PCDHGA1: variants seen among roughly 807,000 people sequenced by gnomAD.
PCDHGA1 encodes the protein protocadherin gamma-A1.
A neutral mutation model predicts 58.0 loss-of-function variants in PCDHGA1; 32 were observed. The ratio of observed to expected loss-of-function variants is 0.55; its 90% CI spans 0.42 to 0.74. The LOEUF (loss-of-function observed/expected upper bound fraction) is 0.74, where lower values mean the gene tolerates loss of function less well. Among genes scored for constraint, PCDHGA1 ranks in the 30% least tolerant of loss-of-function variants. PCDHGA1 has a pLI of 0.00. For synonymous variants in PCDHGA1, 498 were observed against 501.1 expected (o/e 0.99, Z 0.08); for missense variants, 1,205 against 1,182.3 (o/e 1.02, Z -0.28).
chr5:141,508,928 G>A (rs1475005703), intron 3 of PCDHGA1, among the ~76,000 whole-genome samples: 1 of 152,076 alleles, frequency 6.6e-6, no homozygotes, highest in East Asian at 1.9e-4. Flanking sequence ...TCCTTTTGGA[G>A]TTAATTAGGG....
chr5:141,340,101 G>C, intron 1 of PCDHGA1: 1 of 1,614,004 alleles, frequency 6.2e-7, no homozygotes, highest in East Asian at 2.2e-5. Context: ...AGAGACTCTG[G>C]GCAGAACGCA....
intron 1 of PCDHGA1, chr5:141,421,422 C>A (rs908483513): frequency 6.2e-7 from 1 of 1,614,086 alleles, no homozygotes; most frequent in South Asian, 1.1e-5. Flanking sequence ...AGCGCGGAGT[C>A]CGCATCGTCT....
rs768383792 is a variant in PCDHGA1 at position 141,476,155 on chromosome 5, C to A, written c.2422-18652C>A. 1.2e-6 allele frequency: 2 copies of A among 1,612,382 alleles called. No homozygotes were observed. Among genetic ancestry groups the A allele is most frequent in the Non-Finnish European group, 1.7e-6 (2 of 1,179,764 alleles). On this transcript the variant is annotated intron_variant, in intron 1 of 3. Coordinates refer to ENST00000517417, the MANE Select transcript of PCDHGA1 (RefSeq NM_018912.3). This position sits in a 1 kb window ranked among gnomAD's most constrained non-coding sequence, Gnocchi z 7.6. ...CCTGGAGGAGCGGACTGGTAAGCAC[C>A]GGGAGGGTAGTGGGAGTTTTGCTTC... is the stretch of plus-strand genomic sequence containing the variant.
At chr5:141,348,460 G>C (rs953284866) in intron 1 of PCDHGA1, among the ~76,000 whole-genome samples, 1 of 152,264 alleles carries the variant, frequency 6.6e-6, no homozygotes, top group Non-Finnish European at 1.5e-5. Context: ...AATGTTTATA[G>C]TATTAGTATC....
Position 141,332,638 on chromosome 5 carries a change from C to A in PCDHGA1, c.1954C>A (p.Pro652Thr). ...GGTGGCCGTCCAGGACCACGGCCAG[C>A]CCCCGCTCTCCGCCACTGTCACGCT... ...LVVAVQDHGQ[P>T]PLSATVTLTV... Residue 652 changes from proline (P) to threonine (T), a missense_variant, in exon 1 of 4, where the codon CCC becomes ACC. By Grantham distance (38) the Pro-to-Thr change is conservative. Coordinates refer to ENST00000517417, the MANE Select transcript of PCDHGA1 (RefSeq NM_018912.3). This position sits in a 1 kb window ranked among gnomAD's most constrained non-coding sequence, Gnocchi z 4.6. The A allele has an allele frequency of 1.9e-6, 3 of 1,612,910 alleles. No individual in the cohort carries two copies. Among genetic ancestry groups the A allele is most frequent in the South Asian group, 1.1e-5 (1 of 91,034 alleles).
At position 141,431,098 on chromosome 5, in the gene PCDHGA1, A is replaced by G; in HGVS notation, c.2422-63709A>G. The G allele has an allele frequency of 6.2e-7, 1 of 1,614,260 alleles. No homozygotes were observed. The highest frequency in any genetic ancestry group is 8.5e-7 in the Non-Finnish European group (1 of 1,180,040). On this transcript the variant is annotated intron_variant, in intron 1 of 3. Transcript: ENST00000517417. This position sits in a 1 kb window ranked among gnomAD's most constrained non-coding sequence, Gnocchi z 4.8. ...ATCTAGACATTCTGATGGAGGATAA[A>G]GTGAAAATATATGGAGTAGAAGTAG...
chr5:141,494,236 T>C (rs1384800217), intron 1 of PCDHGA1, among the ~76,000 whole-genome samples: 7 of 152,128 alleles, frequency 4.6e-5, no homozygotes, highest in Non-Finnish European at 1.0e-4. Flanking sequence ...AAATTAATAA[T>C]GTATTTAGCT....
At chr5:141,461,738 C>A (rs2099021378) in intron 1 of PCDHGA1, among the ~76,000 whole-genome samples, 1 of 150,904 alleles carries the variant, frequency 6.6e-6, no homozygotes. Flanking sequence ...TGGCACAATC[C>A]CGGCTCCCAG....
Position 141,430,120 on chromosome 5 carries a change from G to A in PCDHGA1, c.2422-64687G>A, listed in dbSNP as rs73280905. Among the ~76,000 whole-genome samples, 1,257 of 152,134 alleles carry A rather than the reference G, an allele frequency of 8.3e-3. 17 individuals are homozygous for A. Among genetic ancestry groups the A allele is most frequent in the African/African-American group, 0.029 (1,193 of 41,506 alleles). Reference sequence around the variant, plus strand: ...TTAAGCGTTACATGTCAACAACCTGGTAAAGTAATCCTTCCATTCAGGATC... The same window carrying A: ...TTAAGCGTTACATGTCAACAACCTGATAAAGTAATCCTTCCATTCAGGATC... On this transcript the variant is annotated intron_variant, in intron 1 of 3. Coordinates refer to ENST00000517417, the MANE Select transcript of PCDHGA1 (RefSeq NM_018912.3).
Position 141,490,252 on chromosome 5 carries a change from G to A in PCDHGA1, c.2422-4555G>A, listed in dbSNP as rs150107963. The A allele has an allele frequency of 1.9e-6, 3 of 1,614,252 alleles. No homozygotes were observed. Among genetic ancestry groups the A allele is most frequent in the Non-Finnish European group, 1.7e-6 (2 of 1,180,046 alleles). The stretch of plus-strand genomic sequence containing the variant: ...CATGGAGGGCCACTGTGTGATTCAA[G>A]TGGATGTGGGGGATGTCAATGACAA... On this transcript the variant is annotated intron_variant, in intron 1 of 3. Coordinates refer to ENST00000517417, the MANE Select transcript of PCDHGA1 (RefSeq NM_018912.3). This position sits in a 1 kb window ranked among gnomAD's most constrained non-coding sequence, Gnocchi z 5.4.
intron 1 of PCDHGA1, among the ~76,000 whole-genome samples, chr5:141,454,209 T>A (rs2098783885): frequency 6.6e-6 from 1 of 152,088 alleles, no homozygotes; most frequent in South Asian, 2.1e-4. Flanking sequence ...TTTATTGACA[T>A]GAATGAGAAA....
At chr5:141,499,244 CAA>C (rs1191956146) in intron 2 of PCDHGA1, among the ~76,000 whole-genome samples, 1 of 152,090 alleles carries the variant, frequency 6.6e-6, no homozygotes, top group Non-Finnish European at 1.5e-5. Flanking sequence ...AGCCTCTGCA[CAA>C]AGAGTCTCCA....
intron 1 of PCDHGA1, chr5:141,346,673 A>C (rs1245560400): frequency 2.9e-6 from 2 of 696,314 alleles, no homozygotes; most frequent in African/African-American, 3.6e-5. Flanking sequence ...ATACATCGTG[A>C]GTGAAAGTAA....
chr5:141,510,814 C>CA, intron 3 of PCDHGA1, 133 bp from the exon 4 acceptor site: 1 of 1,544,688 alleles, frequency 6.5e-7, no homozygotes, highest in Admixed American at 1.8e-5. Flanking sequence ...TTGGTGACCC[C>CA]TATATTCCCA....
chr5:141,487,459 T>A lies in PCDHGA1; in HGVS notation c.2422-7348T>A. The A allele has an allele frequency of 1.2e-6, 2 of 1,614,102 alleles. No homozygotes were observed. Among genetic ancestry groups the A allele is most frequent in the Non-Finnish European group, 1.7e-6 (2 of 1,180,008 alleles). On this transcript the variant is annotated intron_variant, in intron 1 of 3. Transcript: ENST00000517417. The surrounding 1 kb of genome is among the most constrained non-coding windows in gnomAD (Gnocchi z 5.0). ...TAGGGTCAGATGACCCTATCAAGTT[T>A]GTTGATGTGGGAGGCCACTCTCATG...
intron 1 of PCDHGA1, chr5:141,399,976 C>CTGCGCACAGGAGAGG: frequency 1.2e-6 from 2 of 1,612,242 alleles, no homozygotes; most frequent in Non-Finnish European, 1.7e-6. Flanking sequence ...CAGCCTGGGG[C>CTGCGCACAGGAGAGG]TGCGCACAGG....
chr5:141,446,266 A>C (rs1268290014), intron 1 of PCDHGA1, among the ~76,000 whole-genome samples: 1 of 152,174 alleles, frequency 6.6e-6, no homozygotes, highest in African/African-American at 2.4e-5. Context: ...TTATTAACTG[A>C]ATAAATACAA....
Position 141,388,949 on chromosome 5 carries a change from G to A in PCDHGA1, c.2421+55844G>A. The A allele has an allele frequency of 6.2e-7, 1 of 1,613,986 alleles. No homozygotes were observed. The highest frequency in any genetic ancestry group is 8.5e-7 in the Non-Finnish European group (1 of 1,179,876). On this transcript the variant is annotated intron_variant, in intron 1 of 3. Coordinates refer to ENST00000517417, the MANE Select transcript of PCDHGA1 (RefSeq NM_018912.3). ...TCCAGTCTCTACCCAACCTAATTAT[G>A]GAGGACGCCGAGCTGGGAACACATA...
chr5:141,421,912 A>G (rs1207036091), intron 1 of PCDHGA1: 2 of 1,613,696 alleles, frequency 1.2e-6, no homozygotes, highest in Admixed American at 1.7e-5. Context: ...CGCAGTTCCC[A>G]TTCGTGTGGT....
Sources: allele counts gnomAD v4.1 joint callset (sites outside exome capture counted in the v4.1 genomes callset), GRCh38; gene constraint gnomAD v4.1.1; non-coding constraint Gnocchi (gnomAD v3.1); transcripts MANE v1.5; gene names NCBI Gene and HGNC (gene_info 2026-07-23, HGNC 2026-07-21).